NPAS3: variants seen among roughly 807,000 people sequenced by gnomAD.
The protein encoded by NPAS3 is neuronal PAS domain-containing protein 3.
Under a neutral mutation model 73.1 loss-of-function variants are expected in NPAS3, and 14 were observed. The observed-to-expected ratio is 0.19, with a 90% CI of 0.13 to 0.30. The LOEUF (loss-of-function observed/expected upper bound fraction) is 0.30. NPAS3 is among the 10% of genes least tolerant of loss of function. The probability of loss-of-function intolerance (pLI) is 1.00; values close to 1 mark genes in which losing one functional copy is unlikely to be tolerated. For missense variants in NPAS3, 1,096 were observed against 1,250.0 expected (o/e 0.88, Z 1.86); for synonymous variants, 620 against 541.5 (o/e 1.14, Z -2.01).
At chr14:33,062,605 G>A (rs1412926286) in intron 2 of NPAS3, among the ~76,000 whole-genome samples, 1 of 152,204 alleles carries the variant, frequency 6.6e-6, no homozygotes, top group East Asian at 1.9e-4. Context: ...TGACTACCTA[G>A]ATTTTAAAAA....
At chr14:33,516,069 T>G (rs2053283038) in intron 4 of NPAS3, among the ~76,000 whole-genome samples, 1 of 151,762 alleles carries the variant, frequency 6.6e-6, no homozygotes, top group Non-Finnish European at 1.5e-5. Context: ...ATAGCATCTC[T>G]GCTAAGTATA....
chr14:33,595,791 C>T (rs2057222791), intron 5 of NPAS3, among the ~76,000 whole-genome samples: 1 of 152,146 alleles, frequency 6.6e-6, no homozygotes. Context: ...CTGCCTCAGC[C>T]TCCCAACTAG....
In NPAS3 at chr14:33,183,421, G is replaced by GTTTT. The variant is rs55643715; in HGVS notation, c.141-31728_141-31725dup. Among the ~76,000 whole-genome samples, 8 of 60,790 alleles carry GTTTT rather than the reference G, an allele frequency of 1.3e-4. No individual in the cohort carries two copies. In the East Asian group the frequency reaches 1.4e-3, roughly 11 times the overall value. The allele number at this position is 60,790 out of a possible 152,430, so 39.9% of individuals were successfully genotyped here. A position where few individuals can be genotyped will look rare whatever the true frequency, so the allele number is the denominator to read the frequency against. ...AGCCTGGGCGACAGAGTGAGACTCT[G>GTTTT]TTTTTTTTTTTTTTTTTTTTTTTTT... is the stretch of plus-strand genomic sequence containing the variant. On this transcript the variant is annotated intron_variant, in intron 2 of 11. Transcript: ENST00000356141.
chr14:33,792,492 T>C lies in NPAS3; in HGVS notation c.1154-1405T>C, dbSNP rs534050794. On this transcript the variant is annotated intron_variant, in intron 9 of 11. Coordinates refer to ENST00000356141, the Ensembl canonical transcript of NPAS3. ...GTGGCACTTTCAGAGCCAGGAAGAG[T>C]GGCTCAGGACAAGATGAGAAGAGCT... 3.3e-5 allele frequency among the ~76,000 whole-genome samples: 5 copies of C among 150,324 alleles called. No homozygotes were observed. The East Asian group carries it at 9.8e-4, about 30-fold the overall frequency.
chr14:33,063,373 G>A (rs977814672), intron 2 of NPAS3, among the ~76,000 whole-genome samples: 1 of 152,124 alleles, frequency 6.6e-6, no homozygotes, highest in African/African-American at 2.4e-5. Flanking sequence ...ACTAACTCAA[G>A]GTTAAGAAGG....
chr14:33,234,542 C>T (rs759409300), intron 3 of NPAS3, among the ~76,000 whole-genome samples: 2 of 152,010 alleles, frequency 1.3e-5, no homozygotes, highest in Non-Finnish European at 1.5e-5. Context: ...TCTTCCAGCT[C>T]GTTAAGTCTG....
At chr14:33,652,967 G>A (rs1327964388) in intron 5 of NPAS3, among the ~76,000 whole-genome samples, 1 of 152,196 alleles carries the variant, frequency 6.6e-6, no homozygotes, top group Non-Finnish European at 1.5e-5. Flanking sequence ...ATCAAGATGG[G>A]TGTGAAAAGC....
chr14:33,529,593 G>A (rs1175604943), intron 4 of NPAS3, among the ~76,000 whole-genome samples: 1 of 151,994 alleles, frequency 6.6e-6, no homozygotes, highest in Non-Finnish European at 1.5e-5. Flanking sequence ...TTAAAGTAAT[G>A]GGCATCCTAA....
intron 3 of NPAS3, among the ~76,000 whole-genome samples, chr14:33,238,294 C>A (rs567357803): frequency 2.6e-5 from 4 of 152,066 alleles, no homozygotes; most frequent in African/African-American, 9.6e-5. Context: ...TGTTAATATG[C>A]ATGTAAATGG....
intron 4 of NPAS3, among the ~76,000 whole-genome samples, chr14:33,393,491 C>G (rs918558101): frequency 2.0e-5 from 3 of 152,154 alleles, no homozygotes; most frequent in African/African-American, 7.2e-5. Context: ...CCAGGTTTTT[C>G]CACTTCAGCT....
chr14:33,428,816 AG>A (rs1181080845), intron 4 of NPAS3, among the ~76,000 whole-genome samples: 3 of 152,148 alleles, frequency 2.0e-5, no homozygotes, highest in Admixed American at 6.5e-5. Context: ...CTTCTTTTCC[AG>A]GCTAGATCAT....
intron 4 of NPAS3, among the ~76,000 whole-genome samples, chr14:33,520,558 G>T (rs1374514685): frequency 6.6e-6 from 1 of 152,120 alleles, no homozygotes; most frequent in Non-Finnish European, 1.5e-5. Context: ...GAAATGGGCA[G>T]GAGAGATGGA....
At chr14:33,771,230 A>C (rs2062641159) in intron 7 of NPAS3, among the ~76,000 whole-genome samples, 1 of 152,194 alleles carries the variant, frequency 6.6e-6, no homozygotes, top group African/African-American at 2.4e-5. Flanking sequence ...TATGAAATGA[A>C]TTTGGAAAAA....
At chr14:33,724,611 T>A (rs896734439) in intron 6 of NPAS3, among the ~76,000 whole-genome samples, 15 of 152,130 alleles carry the variant, frequency 9.9e-5, no homozygotes, top group African/African-American at 3.6e-4. Context: ...CTTGCCTGAG[T>A]GACAGAGTGA....
intron 3 of NPAS3, among the ~76,000 whole-genome samples, chr14:33,328,446 CTTTTTTT>C (rs58411120): frequency 1.0e-4 from 5 of 49,596 alleles, no homozygotes; most frequent in East Asian, 5.5e-4. Flanking sequence ...CTTTTCTTTT[CTTTTTTT>C]TTTTTTTTTT....
intron 2 of NPAS3, among the ~76,000 whole-genome samples, chr14:33,115,365 G>A (rs901990092): frequency 2.6e-5 from 4 of 152,282 alleles, no homozygotes; most frequent in East Asian, 1.9e-4. Context: ...AGGTTTGTCC[G>A]TGGAGAAAGA....
intron 4 of NPAS3, among the ~76,000 whole-genome samples, chr14:33,552,756 T>C (rs1016969340): frequency 2.6e-5 from 4 of 152,094 alleles, no homozygotes; most frequent in African/African-American, 9.7e-5. Flanking sequence ...AGCAAAGCAG[T>C]GACATTTTTA....
In NPAS3 at chr14:33,270,059, T is replaced by G. The variant is rs376419792; in HGVS notation, c.385+54633T>G. ...CAGGGCAGGGGAAGGACAGCCTCAG[T>G]CTGATCCCATGGGGAGCTCTGGAGC... On this transcript the variant is annotated intron_variant, in intron 3 of 11. Coordinates refer to ENST00000356141, the Ensembl canonical transcript of NPAS3. Among the ~76,000 whole-genome samples, 21 of 152,160 alleles carry G rather than the reference T, an allele frequency of 1.4e-4. No individual in the cohort carries two copies. In the East Asian group the frequency reaches 3.7e-3, roughly 27 times the overall value.
At chr14:33,360,420 T>C (rs578009182) in intron 3 of NPAS3, among the ~76,000 whole-genome samples, 1 of 152,350 alleles carries the variant, frequency 6.6e-6, no homozygotes, top group African/African-American at 2.4e-5. Flanking sequence ...AAGATAGGAA[T>C]TAATTTTGGG....
Sources: gnomAD v4.1 joint callset for allele counts (sites outside exome capture counted in the v4.1 genomes callset) on GRCh38, gnomAD v4.1.1 for gene constraint, MANE v1.5 for transcripts, NCBI Gene and HGNC (gene_info 2026-07-23, HGNC 2026-07-21) for gene names.